KL: variants seen among roughly 807,000 people sequenced by gnomAD.
The protein encoded by KL is alpha-klotho.
Under a neutral mutation model 84.2 loss-of-function variants are expected in KL, and 62 were observed. The ratio of observed to expected loss-of-function variants is 0.74; its 90% CI spans 0.60 to 0.91. KL has a LOEUF of 0.91. Ranked by LOEUF, KL falls within the 40% of genes least tolerant of loss-of-function variation. The pLI is 0.00. For synonymous variants in KL, 528 were observed against 528.0 expected (o/e 1.00, Z 0.00); for missense variants, 1,261 against 1,305.7 (o/e 0.97, Z 0.53).
Position 33,053,922 on chromosome 13 carries a change from T to C in KL, c.975T>C (p.Gly325=). ...AAAAATCTCTGGACTTTGTACTAGGTTGGTTTGCCAAACCCGTATTTATTG... is the reference window on the plus strand; with the variant it reads ...AAAAATCTCTGGACTTTGTACTAGGCTGGTTTGCCAAACCCGTATTTATTG... ...ECQKSLDFVL[G]WFAKPVFIDG... Residue 325 remains glycine (G), a synonymous_variant, in exon 2 of 5, where the codon GGT becomes GGC. Coordinates refer to ENST00000380099, the MANE Select transcript of KL (RefSeq NM_004795.4). 6.2e-7 allele frequency: 1 copy of C among 1,614,198 alleles called. No homozygotes were observed. The highest frequency in any genetic ancestry group is 8.5e-7 in the Non-Finnish European group (1 of 1,180,036).
intron 4 of KL, among the ~76,000 whole-genome samples, chr13:33,062,027 C>A (rs1342573849): frequency 6.6e-6 from 1 of 152,222 alleles, no homozygotes; most frequent in Admixed American, 6.5e-5. Context: ...TTCTTGTCTT[C>A]CATCTTGGAT....
In KL at chr13:33,019,708, G is replaced by GGTGTGTGT. The variant is rs111786826; in HGVS notation, c.819+2467_819+2474dup. On this transcript the variant is annotated intron_variant, in intron 1 of 4. Transcript: ENST00000380099. ...TACTGGAGTGAGCCTTGGCAAAAAT[G>GGTGTGTGT]GTGTGTGTGTGTGTGTGTGTGTGTG... 4.9e-3 allele frequency among the ~76,000 whole-genome samples: 648 copies of GGTGTGTGT among 133,224 alleles called. 12 individuals carry two copies. Among genetic ancestry groups the GGTGTGTGT allele is most frequent in the Middle Eastern group, 0.022 (6 of 270 alleles). The allele number at this position is 133,224 out of a possible 152,430, so 87.4% of individuals were successfully genotyped here. A position where few individuals can be genotyped will look rare whatever the true frequency, so the allele number is the denominator to read the frequency against.
At chr13:33,018,561 TTATG>T (rs1870455511) in intron 1 of KL, among the ~76,000 whole-genome samples, 1 of 152,242 alleles carries the variant, frequency 6.6e-6, no homozygotes, top group Admixed American at 6.5e-5. Context: ...GATTTCATAC[TTATG>T]TATGTCTTTT....
rs183068737 is a variant in KL, at chr13:33,025,146, C to A, written c.819+7887C>A. Reference sequence around the variant, plus strand: ...ATAATTACAGTAAAATGTATAAATGCCTTAAGAGAAATAAGTACTTGCTTA... The same window carrying A: ...ATAATTACAGTAAAATGTATAAATGACTTAAGAGAAATAAGTACTTGCTTA... On this transcript the variant is annotated intron_variant, in intron 1 of 4. Coordinates refer to ENST00000380099, the MANE Select transcript of KL (RefSeq NM_004795.4). 2.2e-3 allele frequency among the ~76,000 whole-genome samples: 330 copies of A among 152,194 alleles called. 1 individual carries two copies. Among genetic ancestry groups the A allele is most frequent in the African/African-American group, 7.2e-3 (300 of 41,552 alleles).
At chr13:33,047,582 C>T (rs57535641) in intron 1 of KL, among the ~76,000 whole-genome samples, 2,349 of 152,238 alleles carry the variant, frequency 0.015, 49 homozygotes, top group African/African-American at 0.054. Context: ...CCTGCCTTGG[C>T]CTCCCAAAGT....
rs565114024 is a variant in KL, at chr13:33,063,772, G to A, written c.2702-77G>A. 1,553 of 1,207,822 alleles carry A rather than the reference G, an allele frequency of 1.3e-3. 19 individuals carry two copies. In the African/African-American group the frequency reaches 0.02, roughly 16 times the overall value. 74.8% of individuals were successfully genotyped at this position (1,207,822 alleles called of 1,614,324 possible). A position where few individuals can be genotyped will look rare whatever the true frequency, so the allele number is the denominator to read the frequency against. ...AGCCTGTGTGACAGAGCAAGACTCCGTCTCAAAAAAAAAAAAAAGTGATGT... is the reference window on the plus strand; with the variant it reads ...AGCCTGTGTGACAGAGCAAGACTCCATCTCAAAAAAAAAAAAAAGTGATGT... On this transcript the variant is annotated intron_variant, in intron 4 of 4. Coordinates refer to ENST00000380099, the MANE Select transcript of KL (RefSeq NM_004795.4).
chr13:33,062,007 CA>C (rs1872227464), intron 4 of KL, among the ~76,000 whole-genome samples: 1 of 152,230 alleles, frequency 6.6e-6, no homozygotes, highest in Non-Finnish European at 1.5e-5. Flanking sequence ...TGGATCTATG[CA>C]AGCCTAGATT....
At chr13:33,030,247 A>C (rs564902570) in intron 1 of KL, among the ~76,000 whole-genome samples, 6 of 152,184 alleles carry the variant, frequency 3.9e-5, no homozygotes, top group African/African-American at 1.4e-4. Context: ...TTAAATTTCA[A>C]CATGAGTTTT....
Position 33,054,197 on chromosome 13 carries a change from G to A in KL, c.1250G>A (p.Trp417Ter), listed in dbSNP as rs1442680858. ...CAAATATTTATTGTGGAAAATGGCT[G>A]GTTTGTCTCAGGGACCACCAAGAGA... ...HPQIFIVENG[W>*]FVSGTTKRDD... Residue 417 changes from tryptophan to a stop codon, truncating the protein, a stop_gained, in exon 2 of 5, where the codon TGG (tryptophan) becomes TAG (stop). Coordinates refer to ENST00000380099, the MANE Select transcript of KL (RefSeq NM_004795.4). LOFTEE classifies it high-confidence loss of function. The A allele has an allele frequency of 1.2e-6, 2 of 1,612,800 alleles. No individual in the cohort carries two copies. The highest frequency in any genetic ancestry group is 2.7e-5 in the African/African-American group (2 of 74,566).
chr13:33,040,306 C>A (rs979597040), intron 1 of KL, among the ~76,000 whole-genome samples: 2 of 152,134 alleles, frequency 1.3e-5, no homozygotes, highest in Non-Finnish European at 2.9e-5. Context: ...TATGTAAACA[C>A]CACACAGTAG....
intron 3 of KL, among the ~76,000 whole-genome samples, chr13:33,058,026 T>A (rs932563092): frequency 6.6e-6 from 1 of 152,192 alleles, no homozygotes; most frequent in Non-Finnish European, 1.5e-5. Context: ...GCACACAACC[T>A]GACTTTAGGC....
chr13:33,061,913 A>G, intron 4 of KL, 133 bp downstream of exon 4: 1 of 906,054 alleles, frequency 1.1e-6, no homozygotes, highest in Non-Finnish European at 1.8e-6. Flanking sequence ...CCTCACTGAA[A>G]CAGTCCAAGA....
intron 1 of KL, among the ~76,000 whole-genome samples, chr13:33,025,100 T>C (rs2138193934): frequency 6.6e-6 from 1 of 152,202 alleles, no homozygotes; most frequent in South Asian, 2.1e-4. Context: ...CACAGATTAG[T>C]AGGGGAGAGG....
At chr13:33,044,900 T>A (rs1014901464) in intron 1 of KL, among the ~76,000 whole-genome samples, 7 of 152,172 alleles carry the variant, frequency 4.6e-5, no homozygotes, top group African/African-American at 7.2e-5. Flanking sequence ...TCTGTTTTTT[T>A]AAAAATCTTA....
intron 1 of KL, among the ~76,000 whole-genome samples, chr13:33,048,420 T>C (rs370222922): frequency 7.2e-5 from 11 of 152,338 alleles, no homozygotes; most frequent in African/African-American, 2.4e-4. Flanking sequence ...TTTTCTACTC[T>C]GGCTATTCTG....
chr13:33,058,262 TA>T (rs1361526559), intron 3 of KL, among the ~76,000 whole-genome samples: 1 of 152,218 alleles, frequency 6.6e-6, no homozygotes, highest in African/African-American at 2.4e-5. Context: ...TTCACTATTT[TA>T]TTTTTTTAGT....
chr13:33,039,526 T>G (rs1871260842), intron 1 of KL, among the ~76,000 whole-genome samples: 1 of 152,054 alleles, frequency 6.6e-6, no homozygotes, highest in African/African-American at 2.4e-5. Flanking sequence ...TGCTTGTGGG[T>G]GGGGTGCATT....
At chr13:33,026,038 A>G (rs577205871) in intron 1 of KL, among the ~76,000 whole-genome samples, 37 of 152,348 alleles carry the variant, frequency 2.4e-4, no homozygotes, top group Non-Finnish European at 4.0e-4. Flanking sequence ...GTGGAATACT[A>G]ATTGGTTATT....
At chr13:33,038,305 G>T (rs1480429443) in intron 1 of KL, among the ~76,000 whole-genome samples, 1 of 152,130 alleles carries the variant, frequency 6.6e-6, no homozygotes, top group Non-Finnish European at 1.5e-5. Context: ...TTCACAACAC[G>T]TTGGGTAAAT....
Sources: gnomAD v4.1 joint callset for allele counts (sites outside exome capture counted in the v4.1 genomes callset) on GRCh38, gnomAD v4.1.1 for gene constraint, MANE v1.5 for transcripts, NCBI Gene and HGNC (gene_info 2026-07-23, HGNC 2026-07-21) for gene names.